The following FGF14 variants were observed in gnomAD, a reference collection of about 807,000 sequenced individuals.
FGF14 encodes fibroblast growth factor 14, also known as fibroblast growth factor homologous factor 4.
Under a neutral mutation model 25.5 loss-of-function variants are expected in FGF14, and 5 were observed. That is an observed-to-expected ratio of 0.20 (90% confidence interval 0.10 to 0.41). The LOEUF (loss-of-function observed/expected upper bound fraction) is 0.41. Ranked by LOEUF, FGF14 falls within the 10% of genes least tolerant of loss-of-function variation. The pLI is 1.00. For synonymous variants in FGF14, 138 were observed against 118.3 expected (o/e 1.17, Z -1.08); for missense variants, 222 against 320.1 (o/e 0.69, Z 2.34).
At chr13:102,236,736 C>T (rs1392355985) in intron 1 of FGF14, among the ~76,000 whole-genome samples, 4 of 152,116 alleles carry the variant, frequency 2.6e-5, no homozygotes, top group African/African-American at 7.2e-5. Context: ...AACAAGTAAG[C>T]GTGTTTTCTT....
intron 1 of FGF14, among the ~76,000 whole-genome samples, chr13:102,093,009 T>C (rs1336684448): frequency 6.6e-6 from 1 of 152,192 alleles, no homozygotes; most frequent in African/African-American, 2.4e-5. Flanking sequence ...TACATGTGTA[T>C]TTTTATTCGG....
intron 1 of FGF14, among the ~76,000 whole-genome samples, chr13:102,163,335 G>A (rs999333582): frequency 2.0e-4 from 30 of 152,186 alleles, no homozygotes; most frequent in Middle Eastern, 3.4e-3. Context: ...ATGGTCTACC[G>A]GAAGAGGGGT....
chr13:102,378,014 C>T (rs1455113376), intron 1 of FGF14, among the ~76,000 whole-genome samples: 1 of 152,170 alleles, frequency 6.6e-6, no homozygotes, highest in Non-Finnish European at 1.5e-5. Flanking sequence ...AGTGACAGAA[C>T]AAGGCTCTTA....
chr13:101,883,995 G>A (rs1275236654), intron 1 of FGF14, among the ~76,000 whole-genome samples: 5 of 145,690 alleles, frequency 3.4e-5, no homozygotes, highest in East Asian at 2.1e-4. Context: ...CCTGGGAGGC[G>A]GAGGTTGCAG....
In FGF14 at chr13:101,882,094, TTA is replaced by T. The variant is rs568144317; in HGVS notation, c.194-6800_194-6799del. Among the ~76,000 whole-genome samples the T allele has an allele frequency of 3.1e-3, 474 of 151,908 alleles. 1 individual carries two copies. Among genetic ancestry groups the T allele is most frequent in the African/African-American group, 0.011 (464 of 41,462 alleles). On this transcript the variant is annotated intron_variant, in intron 1 of 4. Coordinates refer to ENST00000376143, the MANE Select transcript of FGF14 (RefSeq NM_004115.4). ...TCTTTTTTTAACTGTAGATACAGTA[TTA>T]TGTTAAATTTAATACACAGATTTAA...
Position 101,914,321 on chromosome 13 carries a change from T to C in FGF14, c.193+2132A>G, listed in dbSNP as rs576866667. On this transcript the variant is annotated intron_variant, in intron 1 of 4. Transcript: ENST00000376143. Reference sequence around the variant, plus strand: ...ATTAGTGATACTAATAAATTAATCCTTTTCTGATACTCAAGAGATATATCT... The same window carrying C: ...ATTAGTGATACTAATAAATTAATCCCTTTCTGATACTCAAGAGATATATCT... Among the ~76,000 whole-genome samples the C allele has an allele frequency of 4.6e-5, 7 of 151,802 alleles. No homozygotes were observed. In the South Asian group the frequency reaches 1.2e-3, roughly 27 times the overall value.
intron 1 of FGF14, among the ~76,000 whole-genome samples, chr13:101,875,949 G>C (rs961018717): frequency 3.3e-5 from 5 of 151,994 alleles, no homozygotes; most frequent in Admixed American, 2.6e-4. Context: ...GCAAACCCAC[G>C]CATATGAGGT....
chr13:101,847,142 A>T (rs1294278398), intron 3 of FGF14, among the ~76,000 whole-genome samples: 2 of 152,046 alleles, frequency 1.3e-5, no homozygotes, highest in Non-Finnish European at 2.9e-5. Flanking sequence ...CCTAGAAAAC[A>T]GTACTAGAAT....
At chr13:102,072,542 C>T (rs2043195424) in intron 1 of FGF14, among the ~76,000 whole-genome samples, 1 of 152,118 alleles carries the variant, frequency 6.6e-6, no homozygotes, top group African/African-American at 2.4e-5. Flanking sequence ...TAATGATAGC[C>T]CTTCCCAAAA....
intron 1 of FGF14, among the ~76,000 whole-genome samples, chr13:102,324,168 C>T (rs2056344835): frequency 6.6e-6 from 1 of 152,024 alleles, no homozygotes; most frequent in African/African-American, 2.4e-5. Flanking sequence ...ATGCCATATC[C>T]TAACTCTAAG....
intron 3 of FGF14, among the ~76,000 whole-genome samples, chr13:101,824,907 C>T (rs2042327446): frequency 1.3e-5 from 2 of 152,282 alleles, no homozygotes; most frequent in South Asian, 4.1e-4. Flanking sequence ...TAAATACATC[C>T]CCTTGCCAGG....
chr13:102,128,448 A>C (rs2046043773), intron 1 of FGF14, among the ~76,000 whole-genome samples: 1 of 152,210 alleles, frequency 6.6e-6, no homozygotes, highest in African/African-American at 2.4e-5. Context: ...GCTGAAGTTG[A>C]TTCTGTAATT....
At chr13:102,282,855 A>T (rs78274823) in intron 1 of FGF14, among the ~76,000 whole-genome samples, 5 of 136,168 alleles carry the variant, frequency 3.7e-5, no homozygotes, top group Non-Finnish European at 7.8e-5. Flanking sequence ...TCATGCAATT[A>T]AAAAAAAAAA....
intron 1 of FGF14, among the ~76,000 whole-genome samples, chr13:102,153,679 T>C (rs1485533796): frequency 2.6e-5 from 4 of 152,202 alleles, no homozygotes. Context: ...GTGCATTATA[T>C]TATTTTTCTT....
chr13:102,227,479 G>A (rs1346264479), intron 1 of FGF14, among the ~76,000 whole-genome samples: 2 of 152,008 alleles, frequency 1.3e-5, no homozygotes, highest in Admixed American at 6.6e-5. Flanking sequence ...ACAAAATTGT[G>A]TACATTTTTG....
chr13:102,048,654 C>A (rs2042094737), intron 1 of FGF14, among the ~76,000 whole-genome samples: 1 of 152,164 alleles, frequency 6.6e-6, no homozygotes, highest in Non-Finnish European at 1.5e-5. Flanking sequence ...GATGATGATG[C>A]TGCACCTGTG....
At chr13:102,135,801 A>C (rs1444981037) in intron 1 of FGF14, among the ~76,000 whole-genome samples, 1 of 152,116 alleles carries the variant, frequency 6.6e-6, no homozygotes, top group Non-Finnish European at 1.5e-5. Context: ...GACTACAAGC[A>C]TGCATCACCA....
At chr13:102,239,173 T>G (rs1566850793) in intron 1 of FGF14, among the ~76,000 whole-genome samples, 1 of 152,164 alleles carries the variant, frequency 6.6e-6, no homozygotes, top group Non-Finnish European at 1.5e-5. Context: ...AAGTAGCAAT[T>G]GCATTGTAGA....
At position 101,916,776 on chromosome 13, in the gene FGF14, G is replaced by C; in HGVS notation, c.-131C>G. The stretch of plus-strand genomic sequence containing the variant: ...GAGGAGGGGGTGCCAGGCGGGACTG[G>C]GGAGAGGGGAAGGGGGGCTCAGTCC... On this transcript the variant is annotated 5_prime_UTR_variant, in exon 1 of 5. Coordinates refer to ENST00000376143, the MANE Select transcript of FGF14 (RefSeq NM_004115.4). The C allele has an allele frequency of 1.3e-6, 1 of 773,522 alleles. No homozygotes were observed. Among genetic ancestry groups the C allele is most frequent in the Non-Finnish European group, 2.0e-6 (1 of 502,238 alleles). 47.9% of individuals were successfully genotyped at this position (773,522 alleles called of 1,614,324 possible). A position where few individuals can be genotyped will look rare whatever the true frequency, so the allele number is the denominator to read the frequency against.
Sources: gnomAD v4.1 joint callset for allele counts (sites outside exome capture counted in the v4.1 genomes callset) on GRCh38, gnomAD v4.1.1 for gene constraint, MANE v1.5 for transcripts, NCBI Gene and HGNC (gene_info 2026-07-23, HGNC 2026-07-21) for gene names.